Variants in USP16 observed in about 807,000 individuals in gnomAD.
USP16 encodes the protein ubiquitin specific peptidase 16.
In USP16, 77 loss-of-function variants were observed where a neutral mutation model predicts 95.9. The observed-to-expected ratio is 0.80, with a 90% CI of 0.67 to 0.97. The LOEUF (loss-of-function observed/expected upper bound fraction) is 0.97. Among genes scored for constraint, USP16 ranks in the 50% least tolerant of loss-of-function variants. The probability of loss-of-function intolerance (pLI) is 0.00; values close to 1 mark genes in which losing one functional copy is unlikely to be tolerated. For missense variants in USP16, 943 were observed against 959.9 expected (o/e 0.98, Z 0.23); for synonymous variants, 303 against 318.2 (o/e 0.95, Z 0.51).
chr21:29,029,469 T>C (rs2085046845), intron 2 of USP16, among the ~76,000 whole-genome samples: 1 of 152,220 alleles, frequency 6.6e-6, no homozygotes, highest in East Asian at 1.9e-4. Flanking sequence ...TTTCTTTGAC[T>C]ACTGAGATTT....
intron 4 of USP16, among the ~76,000 whole-genome samples, chr21:29,035,732 C>T (rs1263600516): frequency 4.6e-5 from 7 of 151,652 alleles, no homozygotes; most frequent in East Asian, 1.9e-4. Context: ...CTGGCTAACA[C>T]GTTGAAACCC....
chr21:29,032,838 C>T (rs192246158), intron 3 of USP16, among the ~76,000 whole-genome samples: 1 of 152,124 alleles, frequency 6.6e-6, no homozygotes, highest in African/African-American at 2.4e-5. Context: ...TAAGAAACTG[C>T]CAAACTGCCA....
chr21:29,032,390 C>T (rs918940306), intron 3 of USP16, among the ~76,000 whole-genome samples: 3 of 152,092 alleles, frequency 2.0e-5, no homozygotes, highest in African/African-American at 7.2e-5. Flanking sequence ...TGCCACCACT[C>T]CTGGCTAATT....
chr21:29,035,030 T>A (rs113245701), intron 4 of USP16, 90 bp downstream of exon 4: 14 of 1,286,660 alleles, frequency 1.1e-5, no homozygotes, highest in Middle Eastern at 2.0e-4. Flanking sequence ...AGAAAGCAAT[T>A]TAAAATTTTT....
chr21:29,032,931 T>C (rs2085098741), intron 3 of USP16, among the ~76,000 whole-genome samples: 1 of 152,244 alleles, frequency 6.6e-6, no homozygotes, highest in Admixed American at 6.5e-5. Context: ...TCTTCATTTT[T>C]GCCAGCATTT....
At chr21:29,043,943 T>C (rs949252970) in intron 13 of USP16, among the ~76,000 whole-genome samples, 3 of 152,106 alleles carry the variant, frequency 2.0e-5, no homozygotes, top group Non-Finnish European at 4.4e-5. Context: ...GTTTTTTTTT[T>C]CCAACCCGAG....
At chr21:29,051,130 A>G (rs2085407141) in intron 16 of USP16, among the ~76,000 whole-genome samples, 1 of 152,206 alleles carries the variant, frequency 6.6e-6, no homozygotes, top group Non-Finnish European at 1.5e-5. Flanking sequence ...AGGGTTGAGG[A>G]TGATTCCTGA....
intron 1 of USP16, among the ~76,000 whole-genome samples, chr21:29,026,994 T>G (rs190497541): frequency 6.6e-6 from 1 of 152,174 alleles, no homozygotes; most frequent in African/African-American, 2.4e-5. Context: ...GAGAGTGATA[T>G]GATAAAAATG....
chr21:29,048,815 C>T lies in USP16; in HGVS notation c.2066C>T (p.Ala689Val), dbSNP rs764745891. Reference protein sequence around the residue: ...NAKKQMLISLAPPVLTLHLKR... With the variant: ...NAKKQMLISLVPPVLTLHLKR... The stretch of plus-strand genomic sequence containing the variant: ...AAAAAGCAGATGCTAATTTCTCTTG[C>T]TCCTCCTGTTCTTACTCTTCATTTA... The change falls in exon 15 of 18, where the codon GCT becomes GTT. Residue 689 changes from alanine (A) to valine (V), a missense_variant. Coordinates refer to ENST00000399976, the MANE Select transcript of USP16 (RefSeq NM_006447.3). The T allele has an allele frequency of 2.5e-6, 4 of 1,613,872 alleles. No individual in the cohort carries two copies. Among genetic ancestry groups the T allele is most frequent in the South Asian group, 2.2e-5 (2 of 91,080 alleles).
chr21:29,030,549 T>C (rs771492628), intron 2 of USP16, 46 bp from the exon 3 acceptor site: 4 of 1,440,184 alleles, frequency 2.8e-6, no homozygotes, highest in East Asian at 4.9e-5. Flanking sequence ...CTGAAGAAAG[T>C]CATTTTTGAC....
intron 16 of USP16, 48 bp downstream of exon 16, chr21:29,050,226 T>G (rs772924322): frequency 1.3e-6 from 2 of 1,561,262 alleles, no homozygotes; most frequent in Non-Finnish European, 1.8e-6. Context: ...AGTCAAATTG[T>G]GGCTTACCTA....
rs71189336 is a variant in USP16 at position 29,037,579 on chromosome 21, CTTTTTTTTTTTT to C, written c.636+130_636+141del. ...TTTATTTCTATGTATCCAAAGAAAACTTTTTTTTTTTTTTTTTTTTTTTTTGAGACAGGGTCT... is the reference window on the plus strand; with the variant it reads ...TTTATTTCTATGTATCCAAAGAAAACTTTTTTTTTTTTTGAGACAGGGTCT... On this transcript the variant is annotated intron_variant, in intron 6 of 17. Coordinates refer to ENST00000399976, the MANE Select transcript of USP16 (RefSeq NM_006447.3). 5.6e-3 allele frequency: 1,022 copies of C among 184,140 alleles called. 1 individual carries two copies. Among genetic ancestry groups the C allele is most frequent in the Middle Eastern group, 0.028 (16 of 564 alleles). 11.4% of individuals were successfully genotyped at this position (184,140 alleles called of 1,614,324 possible).
intron 13 of USP16, among the ~76,000 whole-genome samples, chr21:29,044,555 C>G (rs936553067): frequency 5.3e-5 from 8 of 149,868 alleles, no homozygotes; most frequent in African/African-American, 2.0e-4. Context: ...TCAAGTGATT[C>G]TCCTGCCACA....
In USP16 at chr21:29,046,664, C is replaced by A; in HGVS notation, c.1357-3C>A. 1.3e-6 allele frequency: 2 copies of A among 1,596,226 alleles called. No homozygotes were observed. The highest frequency in any genetic ancestry group is 2.3e-5 in the South Asian group (2 of 87,404). ...TTTTTGATGCCGTATACTTTTTACC[C>A]AGAACCAACGAAGACAACAAAAAAT... On this transcript the variant is annotated splice_region_variant and splice_polypyrimidine_tract_variant and intron_variant, in intron 13 of 17. Transcript: ENST00000399976.
Position 29,047,239 on chromosome 21 carries a change from T to C in USP16, c.1929T>C (p.Asn643=), listed in dbSNP as rs2085340407. The change falls in exon 14 of 18, where the codon AAT becomes AAC. Residue 643 remains asparagine (N), a synonymous_variant. Coordinates refer to ENST00000399976, the MANE Select transcript of USP16 (RefSeq NM_006447.3). The stretch of plus-strand genomic sequence containing the variant: ...ATTGTTTATATCAGTTCACCCGTAA[T>C]GAGAAACTTCGAGATGCGAATAAAC... The part of the protein sequence containing the change: ...IQHCLYQFTR[N]EKLRDANKLL... 6 of 1,614,048 alleles carry C rather than the reference T, an allele frequency of 3.7e-6. No homozygotes were observed. Among genetic ancestry groups the C allele is most frequent in the Non-Finnish European group, 5.1e-6 (6 of 1,179,914 alleles).
intron 16 of USP16, among the ~76,000 whole-genome samples, chr21:29,050,636 C>T (rs1339141117): frequency 6.6e-6 from 1 of 152,122 alleles, no homozygotes; most frequent in Non-Finnish European, 1.5e-5. Flanking sequence ...GCAGAAGGAA[C>T]AGCAGGAGTA....
intron 1 of USP16, among the ~76,000 whole-genome samples, chr21:29,025,192 A>G (rs1379361784): frequency 6.6e-6 from 1 of 152,146 alleles, no homozygotes; most frequent in Non-Finnish European, 1.5e-5. Context: ...TATATCTAGG[A>G]GGGGATTGAT....
rs2085172706 is a variant in USP16 at position 29,037,281 on chromosome 21, A to G, written c.454A>G (p.Lys152Glu). The change falls in exon 6 of 18, where the codon AAA (lysine) becomes GAA (glutamate). Residue 152 changes from lysine to glutamate, a missense_variant. Physicochemically the swap from Lys to Glu is moderately conservative, Grantham distance 56 (BLOSUM62 1). Coordinates refer to ENST00000399976, the MANE Select transcript of USP16 (RefSeq NM_006447.3). The stretch of plus-strand genomic sequence containing the variant: ...AATCTTTTCTTTTTTTAAAGCAGAG[A>G]AAGATAATGGAAATATTGAACTTGA... ...ASITTPKPAE[K>E]DNGNIELENK... 1.3e-6 allele frequency: 2 copies of G among 1,523,474 alleles called. No individual in the cohort carries two copies. The highest frequency in any genetic ancestry group is 1.9e-4 in the Middle Eastern group (1 of 5,156). The allele number at this position is 1,523,474 out of a possible 1,614,324, so 94.4% of individuals were successfully genotyped here.
chr21:29,038,990 T>G (rs1555856443), intron 7 of USP16, 36 bp from the exon 8 acceptor site: 1 of 1,459,296 alleles, frequency 6.9e-7, no homozygotes, highest in Admixed American at 2.4e-5. Flanking sequence ...ATTCCAGAAT[T>G]TGACTGAAGA....
Sources: allele counts gnomAD v4.1 joint callset (sites outside exome capture counted in the v4.1 genomes callset), GRCh38; gene constraint gnomAD v4.1.1; transcripts MANE v1.5; gene names NCBI Gene and HGNC (gene_info 2026-07-23, HGNC 2026-07-21).